Variants in HTR2C observed in about 807,000 individuals in gnomAD.
HTR2C encodes 5-hydroxytryptamine receptor 2C.
HTR2C carries 5 observed loss-of-function variants against 21.0 expected under a neutral mutation model. The observed-to-expected ratio is 0.24, with a 90% confidence interval of 0.12 to 0.50. HTR2C has a LOEUF of 0.50. Among genes scored for constraint, HTR2C ranks in the 20% least tolerant of loss-of-function variants. HTR2C has a pLI of 0.98. For synonymous variants in HTR2C, 150 were observed against 145.3 expected, an observed-to-expected ratio of 1.03 and a Z score of -0.23; for missense variants, 271 against 371.2, an observed-to-expected ratio of 0.73 and a Z score of 2.22.
chrX:114,721,830 G>A (rs1298690881), intron 2 of HTR2C, among the ~76,000 whole-genome samples: 14 of 108,763 alleles, frequency 1.3e-4, no homozygotes, highest in African/African-American at 3.7e-4. Flanking sequence ...ATAGTTGTAG[G>A]TATGCGGCGT....
At chrX:114,873,560 G>A (rs2071108789) in intron 5 of HTR2C, among the ~76,000 whole-genome samples, 1 of 111,767 alleles carries the variant, frequency 8.9e-6, no homozygotes, top group Admixed American at 9.5e-5. Flanking sequence ...ACTTTGTTTA[G>A]AAGAAAGACT....
At chrX:114,833,048 G>T (rs1200859971) in intron 4 of HTR2C, among the ~76,000 whole-genome samples, 1 of 87,270 alleles carries the variant, frequency 1.1e-5, no homozygotes, top group African/African-American at 4.0e-5. Flanking sequence ...CAGGGATGAA[G>T]CCCACTTGAT....
chrX:114,614,503 G>A lies in HTR2C; in HGVS notation c.-80+622G>A, dbSNP rs184602465. 6.1e-4 allele frequency among the ~76,000 whole-genome samples: 67 copies of A among 110,280 alleles called. No homozygotes were observed. In the East Asian group the frequency reaches 0.014, roughly 24 times the overall value. On this transcript the variant is annotated intron_variant, in intron 2 of 5. Transcript: ENST00000276198. The stretch of plus-strand genomic sequence containing the variant: ...TCGAACTCCTGACCTCAGGTGATCC[G>A]CCCACCTCGACCTCCCAAAGTGCTG...
intron 1 of HTR2C, among the ~76,000 whole-genome samples, chrX:114,607,912 G>A (rs182250683): frequency 6.7e-4 from 74 of 110,980 alleles, no homozygotes; most frequent in Middle Eastern, 4.6e-3. Context: ...TGCTGGAACC[G>A]GGAGGTGGAG....
chrX:114,874,052 A>T lies in HTR2C; in HGVS notation c.550+25849A>T, dbSNP rs1012663187. On this transcript the variant is annotated intron_variant, in intron 5 of 5. Transcript: ENST00000276198. ...ACAGTATTTTTCCTATGTCTGACCTATTTCATTTACCATAATATCTCTCAG... is the reference window on the plus strand; with the variant it reads ...ACAGTATTTTTCCTATGTCTGACCTTTTTCATTTACCATAATATCTCTCAG... 4.7e-4 allele frequency among the ~76,000 whole-genome samples: 52 copies of T among 110,062 alleles called. 1 individual carries two copies. The highest frequency in any genetic ancestry group is 1.9e-5 in the Non-Finnish European group (1 of 52,778).
At chrX:114,687,848 T>C (rs1164064099) in intron 2 of HTR2C, among the ~76,000 whole-genome samples, 1 of 111,700 alleles carries the variant, frequency 9.0e-6, no homozygotes, top group African/African-American at 3.2e-5. Flanking sequence ...GCGTTTTCCT[T>C]TTCTACTATG....
chrX:114,778,064 C>T (rs1254359980), intron 4 of HTR2C, among the ~76,000 whole-genome samples: 1 of 111,758 alleles, frequency 8.9e-6, no homozygotes, highest in Non-Finnish European at 1.9e-5. Context: ...GAGTTAGTAT[C>T]TTTCTTTCTC....
rs1374222134 is a variant in HTR2C, at chrX:114,725,412, T to G, written c.-79-1446T>G. ...CTGTATTGGTTATTCTAGTTATACA[T>G]TCTTCTAAATTTTTTTCAAAGTTTT... On this transcript the variant is annotated intron_variant, in intron 2 of 5. Transcript: ENST00000276198. Among the ~76,000 whole-genome samples the G allele has an allele frequency of 2.7e-5, 3 of 110,821 alleles. No homozygotes were observed. In the Admixed American group the frequency reaches 2.9e-4, roughly 11 times the overall value.
At chrX:114,761,990 C>CATATATGTGTATATATATGTG (rs782126342) in intron 4 of HTR2C, among the ~76,000 whole-genome samples, 2 of 9,911 alleles carry the variant, frequency 2.0e-4, no homozygotes, top group African/African-American at 6.4e-4. Flanking sequence ...TGTATATATA[C>CATATATGTGTATATATATGTG]TATATATACA....
intron 4 of HTR2C, among the ~76,000 whole-genome samples, chrX:114,836,255 C>CTTTG (rs2070781518): frequency 9.0e-6 from 1 of 111,504 alleles, no homozygotes; most frequent in African/African-American, 3.2e-5. Context: ...TTCCTGGCTG[C>CTTTG]TTTGTTTACC....
At chrX:114,727,968 T>G (rs2069499409) in intron 3 of HTR2C, among the ~76,000 whole-genome samples, 1 of 111,693 alleles carries the variant, frequency 9.0e-6, no homozygotes, top group Admixed American at 9.6e-5. Flanking sequence ...CATGGGCCTG[T>G]GCCAACTTAG....
chrX:114,590,150 C>T (rs1439189609), intron 1 of HTR2C, among the ~76,000 whole-genome samples: 4 of 111,124 alleles, frequency 3.6e-5, no homozygotes, highest in African/African-American at 1.3e-4. Flanking sequence ...CTGATCTGAG[C>T]CCAGGTAGAA....
At chrX:114,749,909 G>C in intron 4 of HTR2C, among the ~76,000 whole-genome samples, 1 of 112,061 alleles carries the variant, frequency 8.9e-6, no homozygotes, top group Admixed American at 9.5e-5. Context: ...GCTATTTGCA[G>C]ATTAAAGCTA....
Position 114,713,860 on chromosome X carries a change from G to A in HTR2C, c.-79-12998G>A, listed in dbSNP as rs73638464. Among the ~76,000 whole-genome samples, 848 of 110,586 alleles carry A rather than the reference G, an allele frequency of 7.7e-3. 14 individuals carry two copies. The highest frequency in any genetic ancestry group is 0.026 in the African/African-American group (793 of 30,559). On this transcript the variant is annotated intron_variant, in intron 2 of 5. Coordinates refer to ENST00000276198, the MANE Select transcript of HTR2C (RefSeq NM_000868.4). ...ACTCTCAAAACACATGCATACACAC[G>A]TATACACAGACACACACATACACAC... is the stretch of plus-strand genomic sequence containing the variant.
At chrX:114,901,681 C>T (rs1287025481) in intron 5 of HTR2C, among the ~76,000 whole-genome samples, 1 of 111,365 alleles carries the variant, frequency 9.0e-6, no homozygotes, top group African/African-American at 3.3e-5. Context: ...TTTGCAACAA[C>T]TGAATTAGAT....
chrX:114,820,354 T>G (rs1462012107), intron 4 of HTR2C, among the ~76,000 whole-genome samples: 1 of 109,784 alleles, frequency 9.1e-6, no homozygotes, highest in Non-Finnish European at 1.9e-5. Flanking sequence ...ACTTTAATAT[T>G]GGACCCCTGA....
chrX:114,898,113 A>G (rs782394892), intron 5 of HTR2C, among the ~76,000 whole-genome samples: 1 of 112,548 alleles, frequency 8.9e-6, no homozygotes, highest in African/African-American at 3.2e-5. Flanking sequence ...CTGACATGAG[A>G]TGATATCTCA....
At chrX:114,632,513 C>T (rs782258534) in intron 2 of HTR2C, among the ~76,000 whole-genome samples, 9 of 112,075 alleles carry the variant, frequency 8.0e-5, no homozygotes, top group Non-Finnish European at 1.7e-4. Flanking sequence ...TAAATACTTA[C>T]TGATTGATAT....
chrX:114,717,365 A>C (rs1230649835), intron 2 of HTR2C, among the ~76,000 whole-genome samples: 1 of 112,507 alleles, frequency 8.9e-6, no homozygotes, highest in Non-Finnish European at 1.9e-5. Context: ...GAGCCATCGC[A>C]CATGGTCTAT....
Sources: allele counts gnomAD v4.1 joint callset (sites outside exome capture counted in the v4.1 genomes callset), GRCh38; gene constraint gnomAD v4.1.1; transcripts MANE v1.5; gene names NCBI Gene and HGNC (gene_info 2026-07-23, HGNC 2026-07-21).